The following DCDC2 variants were observed in gnomAD, a reference collection of about 807,000 sequenced individuals.
The protein encoded by DCDC2 is doublecortin domain containing 2.
In DCDC2, 40 loss-of-function variants were observed where a neutral mutation model predicts 50.2. That is an observed-to-expected ratio of 0.80 (90% CI 0.62 to 1.04). The LOEUF is 1.04. Ranked by LOEUF, DCDC2 falls within the 50% of genes least tolerant of loss-of-function variation. The pLI is 0.00. For synonymous variants in DCDC2, 234 were observed against 210.6 expected (o/e 1.11, Z -0.96); for missense variants, 570 against 581.9 (o/e 0.98, Z 0.21).
intron 6 of DCDC2, among the ~76,000 whole-genome samples, chr6:24,286,472 A>AGTCCC (rs1763611964): frequency 6.6e-6 from 1 of 152,028 alleles, no homozygotes; most frequent in Non-Finnish European, 1.5e-5. Flanking sequence ...ACATGCCTGG[A>AGTCCC]GTCCCAGCTA....
chr6:24,264,712 G>GAAGAT (rs1763081128), intron 7 of DCDC2, among the ~76,000 whole-genome samples: 1 of 151,246 alleles, frequency 6.6e-6, no homozygotes, highest in Non-Finnish European at 1.5e-5. Context: ...GAAGAGAAGA[G>GAAGAT]AAGATCCAAA....
At chr6:24,221,241 C>G (rs561414921) in intron 7 of DCDC2, among the ~76,000 whole-genome samples, 12 of 152,128 alleles carry the variant, frequency 7.9e-5, no homozygotes, top group Admixed American at 7.2e-4. Flanking sequence ...CTTCTAAGAC[C>G]GTCAGAATTT....
At chr6:24,288,810 T>C (rs1561759872) in intron 6 of DCDC2, 42 bp downstream of exon 6, 2 of 1,565,584 alleles carry the variant, frequency 1.3e-6, no homozygotes, top group Middle Eastern at 1.7e-4. Context: ...TTGTATCATA[T>C]AAAAATATAG....
intron 2 of DCDC2, among the ~76,000 whole-genome samples, chr6:24,340,442 T>G (rs1760134240): frequency 6.6e-6 from 1 of 152,216 alleles, no homozygotes; most frequent in Non-Finnish European, 1.5e-5. Flanking sequence ...TAAATATTAG[T>G]CAGTTGAGCC....
chr6:24,181,699 A>C (rs767539876), intron 8 of DCDC2, among the ~76,000 whole-genome samples: 5 of 152,242 alleles, frequency 3.3e-5, no homozygotes, highest in Non-Finnish European at 5.9e-5. Context: ...ATAAATGGAA[A>C]TATGTCCCAT....
intron 2 of DCDC2, among the ~76,000 whole-genome samples, chr6:24,307,991 A>G (rs761183870): frequency 6.6e-6 from 1 of 152,214 alleles, no homozygotes; most frequent in Non-Finnish European, 1.5e-5. Context: ...TTTCATCCCC[A>G]GGGGCACAAA....
the DCDC2 span, among the ~76,000 whole-genome samples, chr6:24,381,909 AAG>A: frequency 6.7e-6 from 1 of 148,822 alleles, no homozygotes; most frequent in Non-Finnish European, 1.5e-5. Flanking sequence ...AAGAAGGAGA[AAG>A]AAAAGAGAGA....
chr6:24,208,033 A>C (rs1457368306), intron 7 of DCDC2, among the ~76,000 whole-genome samples: 1 of 152,094 alleles, frequency 6.6e-6, no homozygotes, highest in Admixed American at 6.6e-5. Context: ...TACACCCTTA[A>C]ATACCCTGAC....
chr6:24,322,099 T>A (rs1196099929), intron 2 of DCDC2, among the ~76,000 whole-genome samples: 2 of 152,204 alleles, frequency 1.3e-5, no homozygotes, highest in Non-Finnish European at 2.9e-5. Flanking sequence ...TACTACCTTT[T>A]GTGGAGAGAA....
chr6:24,288,253 G>A (rs534139225), intron 6 of DCDC2, among the ~76,000 whole-genome samples: 33 of 152,324 alleles, frequency 2.2e-4, no homozygotes, highest in Admixed American at 2.0e-3. Context: ...CCAAGGCAAC[G>A]CTCTGGCATG....
In DCDC2 at chr6:24,357,669, A is replaced by T; in HGVS notation, c.82T>A (p.Phe28Ile). 6.2e-7 allele frequency: 1 copy of T among 1,613,418 alleles called. No individual in the cohort carries two copies. The highest frequency in any genetic ancestry group is 8.5e-7 in the Non-Finnish European group (1 of 1,180,026). The change falls in exon 1 of 10, where the codon TTC (phenylalanine) becomes ATC (isoleucine). Residue 28 changes from phenylalanine (F) to isoleucine (I), a missense_variant. By Grantham distance (21) the Phe-to-Ile change is conservative. Transcript: ENST00000378454. ...ATGACGACGCGGCGCCCCGCGTAGA[A>T]GGGGTCCCCGTTGCGGTACACAAGC... is the stretch of plus-strand genomic sequence containing the variant. Reference protein sequence around the residue: ...SVLVYRNGDPFYAGRRVVIHE... With the variant: ...SVLVYRNGDPIYAGRRVVIHE...
chr6:24,267,947 T>TAATG (rs1443581662), intron 7 of DCDC2, among the ~76,000 whole-genome samples: 1 of 152,150 alleles, frequency 6.6e-6, no homozygotes, highest in Non-Finnish European at 1.5e-5. Flanking sequence ...AATGATCAGG[T>TAATG]AATGTGTGGA....
chr6:24,332,153 C>A (rs1205854497), intron 2 of DCDC2, among the ~76,000 whole-genome samples: 2 of 152,176 alleles, frequency 1.3e-5, no homozygotes, highest in East Asian at 1.9e-4. Context: ...AAAATGGCCA[C>A]AGCAATATTT....
intron 7 of DCDC2, among the ~76,000 whole-genome samples, chr6:24,211,769 T>C (rs967948676): frequency 1.3e-5 from 2 of 152,210 alleles, no homozygotes; most frequent in African/African-American, 4.8e-5. Flanking sequence ...ACAGACCTGA[T>C]GACAGCTTGG....
chr6:24,268,962 A>C (rs1300640839), intron 7 of DCDC2, among the ~76,000 whole-genome samples: 7 of 152,234 alleles, frequency 4.6e-5, no homozygotes, highest in Non-Finnish European at 1.0e-4. Context: ...AAATAAGAAT[A>C]AATGGGTAGC....
chr6:24,335,398 T>A (rs1277111377), intron 2 of DCDC2, among the ~76,000 whole-genome samples: 1 of 152,182 alleles, frequency 6.6e-6, no homozygotes, highest in African/African-American at 2.4e-5. Context: ...ACAAAAGATA[T>A]GTGGTTATTC....
Position 24,220,887 on chromosome 6 carries a change from A to C in DCDC2, c.923-15785T>G, listed in dbSNP as rs79429617. On this transcript the variant is annotated intron_variant, in intron 7 of 9. Transcript: ENST00000378454. ...CAGAGAGCAAGAGAGCGAGAGCGAG[A>C]GAGTGAGCGAGCGAGCGAGAGAGTG... Among the ~76,000 whole-genome samples the C allele has an allele frequency of 9.0e-4, 103 of 114,924 alleles. 4 individuals carry two copies. In the East Asian group the frequency reaches 0.011, roughly 12 times the overall value. The allele number at this position is 114,924 out of a possible 152,430, so 75.4% of individuals were successfully genotyped here.
chr6:24,222,684 A>G (rs1290371303), intron 7 of DCDC2, among the ~76,000 whole-genome samples: 1 of 152,218 alleles, frequency 6.6e-6, no homozygotes, highest in Non-Finnish European at 1.5e-5. Context: ...TTTTCCTTAG[A>G]TGTTCCTAAA....
At chr6:24,206,238 C>A (rs772963692) in intron 7 of DCDC2, among the ~76,000 whole-genome samples, 2 of 152,100 alleles carry the variant, frequency 1.3e-5, no homozygotes, top group Non-Finnish European at 2.9e-5. Flanking sequence ...GAAATGTGGA[C>A]TGTTCTCTCA....
Sources: gnomAD v4.1 joint callset for allele counts (sites outside exome capture counted in the v4.1 genomes callset) on GRCh38, gnomAD v4.1.1 for gene constraint, MANE v1.5 for transcripts, NCBI Gene and HGNC (gene_info 2026-07-23, HGNC 2026-07-21) for gene names.